The following PCDHA13 variants were observed in gnomAD, a reference collection of about 807,000 sequenced individuals.
PCDHA13 encodes protocadherin alpha-13.
A neutral mutation model predicts 64.8 loss-of-function variants in PCDHA13; 54 were observed. That is an observed-to-expected ratio of 0.83 (90% CI 0.67 to 1.04). The LOEUF (loss-of-function observed/expected upper bound fraction) is 1.04. PCDHA13 is among the 50% of genes least tolerant of loss of function. The probability of loss-of-function intolerance (pLI) is 0.00; values close to 1 mark genes in which losing one functional copy is unlikely to be tolerated. For missense variants in PCDHA13, 1,248 were observed against 1,254.3 expected (o/e 0.99, Z 0.08); for synonymous variants, 587 against 564.4 (o/e 1.04, Z -0.57).
In PCDHA13 at chr5:140,904,903, A is replaced by G. The variant is rs568713418; in HGVS notation, c.2394+20241A>G. On this transcript the variant is annotated intron_variant, in intron 1 of 3. Transcript: ENST00000289272. ...CTTTTTGATGGGATTTGTTTTTCTT[A>G]CTGATTTGTTTGACTTCCTTGTAGG... 9.4e-4 allele frequency among the ~76,000 whole-genome samples: 142 copies of G among 151,862 alleles called. 2 individuals carry two copies. The highest frequency in any genetic ancestry group is 2.9e-3 in the African/African-American group (122 of 41,438).
At chr5:140,959,688 T>G (rs1000595466) in intron 1 of PCDHA13, among the ~76,000 whole-genome samples, 20 of 152,318 alleles carry the variant, frequency 1.3e-4, no homozygotes, top group African/African-American at 4.8e-4. Flanking sequence ...ATAATTTCAA[T>G]AAAATGAGCT....
intron 3 of PCDHA13, among the ~76,000 whole-genome samples, chr5:140,997,904 A>G (rs1446627520): frequency 6.6e-6 from 1 of 152,224 alleles, no homozygotes; most frequent in Non-Finnish European, 1.5e-5. Flanking sequence ...TTCAAGAAGT[A>G]GAATTACAGA....
intron 1 of PCDHA13, chr5:140,929,152 T>TA (rs1322546333): frequency 2.5e-6 from 4 of 1,614,072 alleles, no homozygotes; most frequent in Non-Finnish European, 3.4e-6. Flanking sequence ...TTCTCAGACT[T>TA]ATCTCTATCG....
At chr5:140,966,469 C>G (rs1308389710) in intron 1 of PCDHA13, 1 of 432,506 alleles carries the variant, frequency 2.3e-6, no homozygotes, top group African/African-American at 2.0e-5. Context: ...GTCTTCCCTT[C>G]TGTTTCCTTT....
chr5:140,961,805 G>A (rs1554225601), intron 1 of PCDHA13, among the ~76,000 whole-genome samples: 1 of 151,810 alleles, frequency 6.6e-6, no homozygotes, highest in African/African-American at 2.4e-5. Context: ...AGGAAATTGG[G>A]TTCTCTAGTC....
At chr5:140,954,498 G>T (rs2095045375) in intron 1 of PCDHA13, among the ~76,000 whole-genome samples, 1 of 152,156 alleles carries the variant, frequency 6.6e-6, no homozygotes, top group Non-Finnish European at 1.5e-5. Context: ...TTGTGGTTTT[G>T]ATTTGCATTT....
Position 140,883,940 on chromosome 5 carries a change from G to A in PCDHA13, c.1672G>A (p.Glu558Lys). ...GACGCTGCAGGTGTTCGTGCTGGAC[G>A]AGAACGACAACGCTCCGGCGCTGCT... ...NVTLQVFVLD[E>K]NDNAPALLTP... The change falls in exon 1 of 4, where the codon GAG becomes AAG. Residue 558 changes from glutamate to lysine, a missense_variant. Transcript: ENST00000289272. The A allele has an allele frequency of 6.2e-7, 1 of 1,613,412 alleles. No individual in the cohort carries two copies. The highest frequency in any genetic ancestry group is 8.5e-7 in the Non-Finnish European group (1 of 1,179,854).
intron 3 of PCDHA13, among the ~76,000 whole-genome samples, chr5:140,995,476 A>G (rs2097685199): frequency 6.6e-6 from 1 of 152,210 alleles, no homozygotes; most frequent in Non-Finnish European, 1.5e-5. Flanking sequence ...TTTTTCATTT[A>G]ATATTTTCAG....
At chr5:140,987,592 G>T (rs150671243) in intron 3 of PCDHA13, among the ~76,000 whole-genome samples, 2 of 152,172 alleles carry the variant, frequency 1.3e-5, no homozygotes, top group African/African-American at 4.8e-5. Flanking sequence ...GAGAATAGTG[G>T]TGTCTACCTT....
At chr5:140,962,947 A>T (rs2153733915) in intron 1 of PCDHA13, among the ~76,000 whole-genome samples, 2 of 152,320 alleles carry the variant, frequency 1.3e-5, no homozygotes, top group Admixed American at 1.3e-4. Context: ...TCCATAAGAT[A>T]TGCTCTATCC....
At chr5:140,926,155 T>TGCAGCAGGATCCAGCGCGGAAAGCCCC (rs1563077309) in intron 1 of PCDHA13, among the ~76,000 whole-genome samples, 3 of 152,076 alleles carry the variant, frequency 2.0e-5, no homozygotes, top group African/African-American at 4.8e-5. Context: ...CGGAAAGCTC[T>TGCAGCAGGATCCAGCGCGGAAAGCCCC]GCAGCAGGAT....
intron 1 of PCDHA13, chr5:140,966,547 G>A (rs2096020137): frequency 2.1e-6 from 1 of 467,502 alleles, no homozygotes; most frequent in Non-Finnish European, 3.6e-6. Context: ...ACTCGGAGGC[G>A]AGCGGAGGAG....
At chr5:140,898,706 G>T (rs1554188200) in intron 1 of PCDHA13, among the ~76,000 whole-genome samples, 1 of 152,170 alleles carries the variant, frequency 6.6e-6, no homozygotes, top group Admixed American at 6.5e-5. Context: ...CTTTAAAGTA[G>T]TTTTTTCCAA....
intron 1 of PCDHA13, among the ~76,000 whole-genome samples, chr5:140,909,091 C>T: frequency 6.6e-6 from 1 of 152,220 alleles, no homozygotes; most frequent in Non-Finnish European, 1.5e-5. Flanking sequence ...TGCTACTTCT[C>T]ACTCACTGGG....
intron 1 of PCDHA13, among the ~76,000 whole-genome samples, chr5:140,950,849 T>G (rs1403920591): frequency 6.6e-6 from 1 of 152,120 alleles, no homozygotes; most frequent in Non-Finnish European, 1.5e-5. Flanking sequence ...ATACATTTCT[T>G]TCATATTCTT....
At chr5:141,006,119 T>C (rs1327328997) in intron 3 of PCDHA13, among the ~76,000 whole-genome samples, 14 of 152,070 alleles carry the variant, frequency 9.2e-5, no homozygotes, top group South Asian at 4.2e-4. Context: ...TTTTTTTTTT[T>C]CTCAAGGCAG....
At chr5:140,967,001 A>G (rs1048933252) in intron 1 of PCDHA13, 5 of 1,605,060 alleles carry the variant, frequency 3.1e-6, no homozygotes, top group East Asian at 2.2e-5. Flanking sequence ...TTGCTTGCGC[A>G]TCAACCATCT....
intron 1 of PCDHA13, among the ~76,000 whole-genome samples, chr5:140,911,931 T>C (rs1057514341): frequency 1.8e-4 from 28 of 152,134 alleles, no homozygotes; most frequent in African/African-American, 6.8e-4. Context: ...ACTAATAGGA[T>C]AGATGTATAT....
intron 1 of PCDHA13, among the ~76,000 whole-genome samples, chr5:140,964,119 TAAC>T (rs146855097): frequency 0.014 from 2,059 of 152,320 alleles, 49 homozygotes; most frequent in African/African-American, 0.047. Context: ...AATCACATTC[TAAC>T]AACTAGTAAG....
Sources: gnomAD v4.1 joint callset for allele counts (sites outside exome capture counted in the v4.1 genomes callset) on GRCh38, gnomAD v4.1.1 for gene constraint, MANE v1.5 for transcripts, NCBI Gene and HGNC (gene_info 2026-07-23, HGNC 2026-07-21) for gene names.